GPM6B: variants seen among roughly 807,000 people sequenced by gnomAD.
The protein encoded by GPM6B is glycoprotein M6B.
In GPM6B, 4 loss-of-function variants were observed where a neutral mutation model predicts 27.2. The ratio of observed to expected loss-of-function variants is 0.15; its 90% CI spans 0.07 to 0.34. GPM6B has a LOEUF of 0.34. GPM6B is among the 10% of genes least tolerant of loss of function. The pLI, the probability that GPM6B is intolerant of heterozygous loss-of-function variation, is 1.00. For missense variants in GPM6B, 183 were observed against 261.9 expected (o/e 0.70, Z 2.08); for synonymous variants, 124 against 103.1 (o/e 1.20, Z -1.23).
Position 13,812,333 on chromosome X carries a change from G to A in GPM6B, c.61+4511C>T, listed in dbSNP as rs184746013. Among the ~76,000 whole-genome samples the A allele has an allele frequency of 8.5e-3, 944 of 111,450 alleles. 7 individuals carry two copies. Among genetic ancestry groups the A allele is most frequent in the South Asian group, 0.043 (114 of 2,675 alleles). ...CTCCCAAAGTGGTGGGATTACAGGC[G>A]TGAGCCACCACACCCGGCAGAGAAC... On this transcript the variant is annotated intron_variant, in intron 1 of 7. Coordinates refer to ENST00000316715, the MANE Select transcript of GPM6B (RefSeq NM_001001995.3).
Position 13,775,915 on chromosome X carries a change from C to T in GPM6B, c.837+323G>A, listed in dbSNP as rs1363908761. ...TGGCAAAGAAATGGGTAATGCCTCA[C>T]GTGAGCATTGCATCTGTCTGCGACT... On this transcript the variant is annotated intron_variant, in intron 7 of 7. Transcript: ENST00000316715. Among the ~76,000 whole-genome samples the T allele has an allele frequency of 2.7e-5, 3 of 112,536 alleles. No individual in the cohort carries two copies. In the East Asian group the frequency reaches 8.3e-4, roughly 31 times the overall value.
intron 1 of GPM6B, among the ~76,000 whole-genome samples, chrX:13,899,357 G>A (rs985173192): frequency 1.1e-5 from 1 of 94,708 alleles, no homozygotes; most frequent in Admixed American, 1.3e-4. Flanking sequence ...GTTGCAGTGA[G>A]CCGAGATGGT....
intron 1 of GPM6B, among the ~76,000 whole-genome samples, chrX:13,931,337 A>G (rs189576541): frequency 0.01 from 1,144 of 109,654 alleles, 5 homozygotes; most frequent in South Asian, 0.026. Flanking sequence ...AAATACAAAA[A>G]ATTAGCCGGG....
intron 4 of GPM6B, among the ~76,000 whole-genome samples, chrX:13,781,800 C>G (rs779452027): frequency 8.9e-5 from 10 of 111,964 alleles, no homozygotes; most frequent in African/African-American, 2.9e-4. Flanking sequence ...CCCTGACCAC[C>G]TTGGGCCCAT....
chrX:13,917,933 TCACTTG>T (rs1427808155), intron 1 of GPM6B, among the ~76,000 whole-genome samples: 1 of 112,602 alleles, frequency 8.9e-6, no homozygotes, highest in Non-Finnish European at 1.9e-5. Flanking sequence ...AGCAGGATGT[TCACTTG>T]CAAAAGTAGC....
intron 1 of GPM6B, among the ~76,000 whole-genome samples, chrX:13,846,302 T>G (rs906036253): frequency 4.5e-5 from 5 of 110,998 alleles, no homozygotes; most frequent in Non-Finnish European, 9.4e-5. Context: ...CCGGACATCA[T>G]GCTGGATACT....
At chrX:13,808,307 G>C (rs190768057) in intron 1 of GPM6B, among the ~76,000 whole-genome samples, 1 of 112,047 alleles carries the variant, frequency 8.9e-6, no homozygotes, top group Non-Finnish European at 1.9e-5. Context: ...AACTCAGAAC[G>C]TCAGAGTCTA....
At chrX:13,799,066 T>TC (rs1384363110) in intron 2 of GPM6B, among the ~76,000 whole-genome samples, 1 of 111,043 alleles carries the variant, frequency 9.0e-6, no homozygotes, top group African/African-American at 3.3e-5. Context: ...TTAAAAGACC[T>TC]CCCCTTCCTT....
chrX:13,809,628 T>A (rs865889976), intron 1 of GPM6B, among the ~76,000 whole-genome samples: 1 of 109,396 alleles, frequency 9.1e-6, no homozygotes, highest in Non-Finnish European at 1.9e-5. Context: ...ATAAAAAAAA[T>A]ATATAAAAAA....
rs1240355455 is a variant in GPM6B at position 13,771,167 on chromosome X, AT to A, written c.*1713del. The A allele has an allele frequency of 3.6e-5, 4 of 112,336 alleles. No homozygotes were observed. The highest frequency in any genetic ancestry group is 1.3e-4 in the African/African-American group (4 of 30,891). The allele number at this position is 112,336 out of a possible 1,213,427, so 9.3% of individuals were successfully genotyped here. ...AAATTTAATGCTCTTTACATAAAAA[AT>A]ATTAGACTACTTAAACAAAACTTTC... On this transcript the variant is annotated 3_prime_UTR_variant, in exon 8 of 8. Coordinates refer to ENST00000316715, the MANE Select transcript of GPM6B (RefSeq NM_001001995.3).
At chrX:13,813,283 AAT>A (rs1350258848) in intron 1 of GPM6B, among the ~76,000 whole-genome samples, 4 of 111,657 alleles carry the variant, frequency 3.6e-5, no homozygotes, top group African/African-American at 1.3e-4. Flanking sequence ...TAAAAAAAAA[AAT>A]AAGAAATTAT....
chrX:13,895,134 T>C (rs1259635646), intron 1 of GPM6B, among the ~76,000 whole-genome samples: 1 of 111,835 alleles, frequency 8.9e-6, no homozygotes, highest in Admixed American at 9.5e-5. Context: ...GCTTTCTTTG[T>C]AGCTTCTAAA....
chrX:13,833,677 T>G (rs2049465867), intron 1 of GPM6B, among the ~76,000 whole-genome samples: 1 of 111,297 alleles, frequency 9.0e-6, no homozygotes, highest in South Asian at 3.8e-4. Context: ...CAGTTAGCCA[T>G]GATCACACTA....
chrX:13,877,851 A>AAAAAAAAAAAAAT (rs2050053862), intron 1 of GPM6B, among the ~76,000 whole-genome samples: 1 of 105,497 alleles, frequency 9.5e-6, no homozygotes, highest in Admixed American at 1.0e-4. Context: ...AAAAAAAAAA[A>AAAAAAAAAAAAAT]TTCACCATAT....
At chrX:13,913,614 T>C (rs1200930086) in intron 1 of GPM6B, among the ~76,000 whole-genome samples, 1 of 112,318 alleles carries the variant, frequency 8.9e-6, no homozygotes, top group Non-Finnish European at 1.9e-5. Flanking sequence ...TGAACCAACT[T>C]CAAATGCTAA....
intron 1 of GPM6B, among the ~76,000 whole-genome samples, chrX:13,935,543 A>G (rs1191220130): frequency 9.0e-6 from 1 of 111,339 alleles, no homozygotes. Context: ...AAATAAAACA[A>G]TTATAGGCAA....
chrX:13,859,901 C>T (rs1199218636), intron 1 of GPM6B, among the ~76,000 whole-genome samples: 1 of 112,098 alleles, frequency 8.9e-6, no homozygotes, highest in Non-Finnish European at 1.9e-5. Flanking sequence ...TGTACAGCTA[C>T]TGAAATAAAT....
At chrX:13,858,316 C>G (rs1328441400) in intron 1 of GPM6B, among the ~76,000 whole-genome samples, 1 of 111,861 alleles carries the variant, frequency 8.9e-6, no homozygotes, top group Admixed American at 9.5e-5. Flanking sequence ...CTCTGAAGTT[C>G]ATAATTCTCA....
chrX:13,842,200 T>G (rs2147230563), intron 1 of GPM6B, among the ~76,000 whole-genome samples: 1 of 112,441 alleles, frequency 8.9e-6, no homozygotes, highest in South Asian at 3.7e-4. Flanking sequence ...TTGCATTCAG[T>G]GAGAACTGAT....
Sources: allele counts gnomAD v4.1 joint callset (sites outside exome capture counted in the v4.1 genomes callset), GRCh38; gene constraint gnomAD v4.1.1; transcripts MANE v1.5; gene names NCBI Gene and HGNC (gene_info 2026-07-23, HGNC 2026-07-21).